RYR1: variants seen among roughly 807,000 people sequenced by gnomAD.
RYR1 encodes ryanodine receptor 1.
Under a neutral mutation model 583.5 loss-of-function variants are expected in RYR1, and 342 were observed. The ratio of observed to expected loss-of-function variants is 0.59; its 90% CI spans 0.54 to 0.64. The LOEUF is 0.64. Ranked by LOEUF, RYR1 falls within the 30% of genes least tolerant of loss-of-function variation. RYR1 has a pLI of 0.00. For synonymous variants in RYR1, 2,791 were observed against 2,822.5 expected (o/e 0.99, Z 0.35); for missense variants, 6,032 against 6,917.2 (o/e 0.87, Z 4.54).
chr19:38,497,635 A>G (rs187097620), intron 42 of RYR1, among the ~76,000 whole-genome samples: 1 of 152,308 alleles, frequency 6.6e-6, no homozygotes, highest in Non-Finnish European at 1.5e-5. Context: ...ACAAATATGT[A>G]GTGTTAGCTT....
chr19:38,562,057 C>G (rs568444075), intron 90 of RYR1, among the ~76,000 whole-genome samples: 2 of 152,238 alleles, frequency 1.3e-5, no homozygotes, highest in East Asian at 3.9e-4. Context: ...GTGCACACCT[C>G]TTGCACACAC....
intron 53 of RYR1, 59 bp downstream of exon 53, chr19:38,505,457 T>G: frequency 8.0e-7 from 1 of 1,249,174 alleles, no homozygotes; most frequent in Non-Finnish European, 1.2e-6. Context: ...AATTTGAGGA[T>G]TCGGGGAGGA....
intron 101 of RYR1, among the ~76,000 whole-genome samples, chr19:38,583,040 T>C (rs576304516): frequency 7.2e-5 from 11 of 152,304 alleles, no homozygotes; most frequent in Admixed American, 2.6e-4. Context: ...CTCACGCTTT[T>C]AATCCCAGCA....
At chr19:38,549,852 C>T (rs965318573) in intron 89 of RYR1, among the ~76,000 whole-genome samples, 2 of 150,134 alleles carry the variant, frequency 1.3e-5, no homozygotes, top group African/African-American at 2.4e-5. Context: ...ATTACAGGCA[C>T]GCACCACCAT....
chr19:38,464,721 A>T lies in RYR1; in HGVS notation c.2869A>T (p.Thr957Ser), dbSNP rs1176044972. 1.3e-6 allele frequency: 2 copies of T among 1,579,120 alleles called. No homozygotes were observed. The highest frequency in any genetic ancestry group is 1.7e-6 in the Non-Finnish European group (2 of 1,162,320). ...CCTGAAGAAGACAAAACTCCCCAAG[A>T]CGTGAGTGTGGGCAGCCAGGTCCCG... is the stretch of plus-strand genomic sequence containing the variant. ...DNLKKTKLPKTYMMSNGYKPA... is the reference protein window; with the variant it reads ...DNLKKTKLPKSYMMSNGYKPA... Residue 957 changes from threonine (T) to serine (S), a missense_variant and splice_region_variant, in exon 23 of 106, where the codon ACG becomes TCG. By Grantham distance (58) the Thr-to-Ser change is moderately conservative. Coordinates refer to ENST00000359596, the MANE Select transcript of RYR1 (RefSeq NM_000540.3).
intron 101 of RYR1, among the ~76,000 whole-genome samples, chr19:38,581,127 G>C (rs574941874): frequency 1.4e-4 from 21 of 151,738 alleles, no homozygotes; most frequent in Non-Finnish European, 3.1e-4. Context: ...GCCCAGGCTG[G>C]AGTGCAGTGG....
intron 96 of RYR1, 100 bp downstream of exon 96, chr19:38,573,407 C>A: frequency 7.0e-7 from 1 of 1,432,704 alleles, no homozygotes; most frequent in Non-Finnish European, 9.4e-7. Context: ...TCGGTCCGGG[C>A]ACGGTGGCTC....
At chr19:38,556,295 A>C (rs970695328) in intron 89 of RYR1, among the ~76,000 whole-genome samples, 2 of 151,876 alleles carry the variant, frequency 1.3e-5, no homozygotes. Context: ...CAGCCTGCGT[A>C]ACACAGCAAA....
intron 83 of RYR1, chr19:38,537,145 A>C (rs1972006924): frequency 3.1e-6 from 1 of 319,006 alleles, no homozygotes; most frequent in Non-Finnish European, 5.9e-6. Flanking sequence ...TGCTCTCTGC[A>C]CCCCGACCTC....
At chr19:38,514,961 G>C (rs1970890764) in intron 63 of RYR1, 65 bp from the exon 64 acceptor site, 1 of 1,080,652 alleles carries the variant, frequency 9.3e-7, no homozygotes, top group Non-Finnish European at 1.4e-6. Context: ...TGAGACAAGG[G>C]AGGTGGGGTG....
intron 42 of RYR1, among the ~76,000 whole-genome samples, chr19:38,498,838 G>T (rs1969964426): frequency 6.6e-6 from 1 of 152,190 alleles, no homozygotes; most frequent in Non-Finnish European, 1.5e-5. Context: ...AGGACTTTAT[G>T]ACCTGTATCT....
chr19:38,477,954 C>T, intron 30 of RYR1, 84 bp downstream of exon 30: 3 of 1,401,270 alleles, frequency 2.1e-6, no homozygotes, highest in Non-Finnish European at 9.9e-7. Context: ...TCTGTGGCTG[C>T]CTGGTTGTGG....
At chr19:38,554,295 T>C (rs1210560031) in intron 89 of RYR1, among the ~76,000 whole-genome samples, 2 of 149,546 alleles carry the variant, frequency 1.3e-5, no homozygotes, top group African/African-American at 4.9e-5. Context: ...CTACTAAAAA[T>C]ACGAAAAAAT....
At chr19:38,455,607 A>G in intron 15 of RYR1, 26 bp from the exon 16 acceptor site, 1 of 1,607,186 alleles carries the variant, frequency 6.2e-7, no homozygotes, top group Non-Finnish European at 8.5e-7. Flanking sequence ...TGGCCGCTTC[A>G]CCTCTCATTC....
At chr19:38,575,663 C>T (rs928960131) in intron 96 of RYR1, among the ~76,000 whole-genome samples, 5 of 152,018 alleles carry the variant, frequency 3.3e-5, no homozygotes, top group African/African-American at 9.7e-5. Context: ...ATTAGCCGGG[C>T]GTGGTGGTGG....
rs536224296 is a variant in RYR1, at chr19:38,459,303, C to T, written c.2325C>T (p.Leu775=). 1.3e-5 allele frequency: 21 copies of T among 1,614,094 alleles called. No individual in the cohort carries two copies. The East Asian group carries it at 4.2e-4, about 33-fold the overall frequency. The stretch of plus-strand genomic sequence containing the variant: ...TTGAGTCCTTCAACCTGGACGGGCT[C>T]TTCTTCCCTGTTGTCAGCTTCTCGG... The part of the protein sequence containing the change: ...GVFESFNLDG[L]FFPVVSFSAG... Residue 775 remains leucine, a synonymous_variant, in exon 19 of 106, where the codon CTC becomes CTT. Coordinates refer to ENST00000359596, the MANE Select transcript of RYR1 (RefSeq NM_000540.3).
chr19:38,536,405 G>A (rs776572717), intron 82 of RYR1, among the ~76,000 whole-genome samples: 76 of 150,712 alleles, frequency 5.0e-4, no homozygotes, highest in Non-Finnish European at 5.6e-4. Context: ...TCCCTAATCC[G>A]GGTTAATCGC....
chr19:38,498,120 C>A (rs1969930232), intron 42 of RYR1, among the ~76,000 whole-genome samples: 2 of 152,156 alleles, frequency 1.3e-5, no homozygotes, highest in Non-Finnish European at 2.9e-5. Context: ...CAGGAGCAAA[C>A]CTCATAAGCT....
At chr19:38,545,894 G>A (rs1972400917) in intron 87 of RYR1, among the ~76,000 whole-genome samples, 2 of 152,076 alleles carry the variant, frequency 1.3e-5, no homozygotes, top group Admixed American at 6.6e-5. Context: ...CATAAATAGG[G>A]GCCATGAGGC....
Sources: allele counts gnomAD v4.1 joint callset (sites outside exome capture counted in the v4.1 genomes callset), GRCh38; gene constraint gnomAD v4.1.1; transcripts MANE v1.5; gene names NCBI Gene and HGNC (gene_info 2026-07-23, HGNC 2026-07-21).